Variants in MDM2 observed in about 807,000 individuals in gnomAD.
The protein encoded by MDM2 is E3 ubiquitin-protein ligase Mdm2.
In MDM2, 11 loss-of-function variants were observed where a neutral mutation model predicts 64.3. The observed-to-expected ratio is 0.17, with a 90% CI of 0.11 to 0.28. The LOEUF is 0.28. Among genes scored for constraint, MDM2 ranks in the 10% least tolerant of loss-of-function variants. The pLI is 1.00. For missense variants in MDM2, 388 were observed against 577.1 expected (o/e 0.67, Z 3.36); for synonymous variants, 194 against 192.9 (o/e 1.01, Z -0.05).
chr12:68,813,454 TCCAAATCCCC>T, intron 2 of MDM2, 90 bp from the exon 3 acceptor site: 3 of 745,558 alleles, frequency 4.0e-6, no homozygotes, highest in South Asian at 1.8e-5. Flanking sequence ...CAGCATTTTT[TCCAAATCCCC>T]TTTATTGAAC....
chr12:68,821,032 G>A (rs1881795858), intron 5 of MDM2, among the ~76,000 whole-genome samples: 1 of 144,116 alleles, frequency 6.9e-6, no homozygotes, highest in Admixed American at 7.2e-5. Context: ...GGGAAGAGAT[G>A]TACACAGTTT....
rs937568926 is a variant in MDM2 at position 68,826,255 on chromosome 12, T to C, written c.523+1604T>C. ...TAAAAATAAAATTTTTACTCATCCT[T>C]ACTCATCAGTGCTAATAACTTGTGT... On this transcript the variant is annotated intron_variant, in intron 7 of 10. Coordinates refer to ENST00000258149, the MANE Select transcript of MDM2 (RefSeq NM_002392.6). Among the ~76,000 whole-genome samples the C allele has an allele frequency of 3.3e-5, 5 of 152,246 alleles. No individual in the cohort carries two copies. The South Asian group carries it at 1.0e-3, about 32-fold the overall frequency.
At chr12:68,815,925 ATAATT>A (rs1881332878) in intron 3 of MDM2, among the ~76,000 whole-genome samples, 1 of 152,232 alleles carries the variant, frequency 6.6e-6, no homozygotes, top group Non-Finnish European at 1.5e-5. Context: ...CACAGGGAAT[ATAATT>A]TAACTTTTAT....
chr12:68,840,131 A>G lies in MDM2; in HGVS notation c.*282A>G, dbSNP rs191233168. ...GTTTTTTTTTTTCTTAAATATGTATATGACATTTAAATGTAACTTATTATT... is the reference window on the plus strand; with the variant it reads ...GTTTTTTTTTTTCTTAAATATGTATGTGACATTTAAATGTAACTTATTATT... On this transcript the variant is annotated 3_prime_UTR_variant, in exon 11 of 11. Coordinates refer to ENST00000258149, the MANE Select transcript of MDM2 (RefSeq NM_002392.6). 29 of 350,616 alleles carry G rather than the reference A, an allele frequency of 8.3e-5. No individual in the cohort carries two copies. The highest frequency in any genetic ancestry group is 7.7e-4 in the East Asian group (16 of 20,762). The allele number at this position is 350,616 out of a possible 1,614,324, so 21.7% of individuals were successfully genotyped here. A position where few individuals can be genotyped will look rare whatever the true frequency, so the allele number is the denominator to read the frequency against.
chr12:68,820,760 A>G (rs954816879), intron 5 of MDM2, among the ~76,000 whole-genome samples: 1 of 152,194 alleles, frequency 6.6e-6, no homozygotes, highest in South Asian at 2.1e-4. Flanking sequence ...TTGGTTATAG[A>G]CAAAATTTTG....
chr12:68,825,225 G>A (rs1882214153), intron 7 of MDM2, among the ~76,000 whole-genome samples: 1 of 151,946 alleles, frequency 6.6e-6, no homozygotes, highest in African/African-American at 2.4e-5. Flanking sequence ...AAGATAATAG[G>A]AGACAGGCAT....
chr12:68,834,667 G>A (rs1465646076), intron 8 of MDM2, among the ~76,000 whole-genome samples: 1 of 152,176 alleles, frequency 6.6e-6, no homozygotes, highest in Admixed American at 6.5e-5. Flanking sequence ...AACTTGGGAG[G>A]TGTAGGTTGC....
chr12:68,843,254 G>A lies in MDM2; in HGVS notation c.*3405G>A, dbSNP rs946677540. 3.1e-5 allele frequency: 7 copies of A among 226,866 alleles called. No homozygotes were observed. Among genetic ancestry groups the A allele is most frequent in the African/African-American group, 4.5e-5 (2 of 44,876 alleles). 14.1% of individuals were successfully genotyped at this position (226,866 alleles called of 1,614,324 possible). On this transcript the variant is annotated 3_prime_UTR_variant, in exon 11 of 11. Coordinates refer to ENST00000258149, the MANE Select transcript of MDM2 (RefSeq NM_002392.6). ...TATGAACTCCAAATAATGCTTTGAGGACCTCCAAAGGTAAAAGTACTAATC... is the reference window on the plus strand; with the variant it reads ...TATGAACTCCAAATAATGCTTTGAGAACCTCCAAAGGTAAAAGTACTAATC...
intron 5 of MDM2, 45 bp from the exon 6 acceptor site, chr12:68,824,318 C>G (rs1592583225): frequency 6.8e-7 from 1 of 1,480,992 alleles, no homozygotes; most frequent in East Asian, 2.3e-5. Context: ...GCCCCGCCGC[C>G]CCCCGCCCAC....
intron 9 of MDM2, among the ~76,000 whole-genome samples, chr12:68,836,326 A>G (rs1883306847): frequency 6.6e-6 from 1 of 152,214 alleles, no homozygotes; most frequent in Non-Finnish European, 1.5e-5. Context: ...AAAGTCAAGT[A>G]GTACCCTTAG....
At chr12:68,847,196 T>TCATATATATATATATATATATATATA (rs1884363867), downstream of MDM2, 1 of 92,080 alleles carries the variant, frequency 1.1e-5, no homozygotes, top group Non-Finnish European at 2.1e-5. Flanking sequence ...TGTGTGTACA[T>TCATATATATATATATATATATATATA]TATATATATA....
intron 2 of MDM2, among the ~76,000 whole-genome samples, chr12:68,809,568 TC>T (rs1308132643): frequency 1.3e-5 from 2 of 152,302 alleles, no homozygotes; most frequent in South Asian, 4.1e-4. Context: ...GATTTTTTTT[TC>T]CTTTTTGACC....
chr12:68,813,482 A>T (rs908926092), intron 2 of MDM2, 72 bp from the exon 3 acceptor site: 5 of 979,280 alleles, frequency 5.1e-6, no homozygotes, highest in Non-Finnish European at 6.4e-6. Context: ...AACTTGATGG[A>T]TATGTTTGCT....
At chr12:68,836,549 A>G in intron 9 of MDM2, 123 bp from the exon 10 acceptor site, 4 of 743,206 alleles carry the variant, frequency 5.4e-6, no homozygotes, top group Non-Finnish European at 9.7e-6. Flanking sequence ...ACTCTATTTG[A>G]TATTGTCTAA....
In MDM2 at chr12:68,842,348, T is replaced by C; in HGVS notation, c.*2499T>C. On this transcript the variant is annotated 3_prime_UTR_variant, in exon 11 of 11. Coordinates refer to ENST00000258149, the MANE Select transcript of MDM2 (RefSeq NM_002392.6). ...AACGCAGCTGGAAGAAAAGATGATA[T>C]AACAGTTAACAGGATGCAGACATGG... 1 of 495,624 alleles carries C rather than the reference T, an allele frequency of 2.0e-6. No individual in the cohort carries two copies. The highest frequency in any genetic ancestry group is 4.0e-6 in the Non-Finnish European group (1 of 250,528). 30.7% of individuals were successfully genotyped at this position (495,624 alleles called of 1,614,324 possible). A position where few individuals can be genotyped will look rare whatever the true frequency, so the allele number is the denominator to read the frequency against.
Position 68,817,017 on chromosome 12 carries a change from A to G in MDM2, c.308+72A>G, listed in dbSNP as rs1881441788. ...TTTCAGTTCACCTCTACCCTCATTCACTTTTGTCAGAGAAAAACTGTTGAA... is the reference window on the plus strand; with the variant it reads ...TTTCAGTTCACCTCTACCCTCATTCGCTTTTGTCAGAGAAAAACTGTTGAA... On this transcript the variant is annotated intron_variant, in intron 4 of 10. Coordinates refer to ENST00000258149, the MANE Select transcript of MDM2 (RefSeq NM_002392.6). The G allele has an allele frequency of 4.6e-6, 7 of 1,526,862 alleles. No individual in the cohort carries two copies. In the Admixed American group the frequency reaches 1.4e-4, roughly 31 times the overall value. The allele number at this position is 1,526,862 out of a possible 1,614,324, so 94.6% of individuals were successfully genotyped here.
intron 3 of MDM2, among the ~76,000 whole-genome samples, chr12:68,815,433 CTTTTTTTTTTTTT>C (rs58178593): frequency 1.1e-5 from 1 of 93,090 alleles, no homozygotes; most frequent in African/African-American, 4.4e-5. Flanking sequence ...GTTTCTTCTT[CTTTTTTTTTTTTT>C]TTTTTTTTTT....
chr12:68,817,008 C>A, intron 4 of MDM2, 63 bp downstream of exon 4: 1 of 1,545,172 alleles, frequency 6.5e-7, no homozygotes, highest in Non-Finnish European at 8.7e-7. Context: ...TTCACCTCTA[C>A]CCTCATTCAC....
chr12:68,818,037 A>G (rs1881536075), intron 4 of MDM2, among the ~76,000 whole-genome samples: 1 of 152,028 alleles, frequency 6.6e-6, no homozygotes, highest in Admixed American at 6.6e-5. Flanking sequence ...TCGGTAATCC[A>G]CCTGCCATGG....
Sources: allele counts gnomAD v4.1 joint callset (sites outside exome capture counted in the v4.1 genomes callset), GRCh38; gene constraint gnomAD v4.1.1; transcripts MANE v1.5; gene names NCBI Gene and HGNC (gene_info 2026-07-23, HGNC 2026-07-21).